TMEM132B: variants seen among roughly 807,000 people sequenced by gnomAD.
TMEM132B encodes transmembrane protein 132B.
Under a neutral mutation model 90.8 loss-of-function variants are expected in TMEM132B, and 18 were observed. The observed-to-expected ratio is 0.20, with a 90% CI of 0.14 to 0.29. TMEM132B has a LOEUF of 0.29. TMEM132B is among the 10% of genes least tolerant of loss of function. TMEM132B has a pLI of 1.00. For synonymous variants in TMEM132B, 504 were observed against 523.3 expected (o/e 0.96, Z 0.50); for missense variants, 1,096 against 1,326.8 (o/e 0.83, Z 2.70).
intron 1 of TMEM132B, among the ~76,000 whole-genome samples, chr12:125,287,907 G>T (rs1004546063): frequency 6.6e-6 from 1 of 151,852 alleles, no homozygotes. Flanking sequence ...TCACTCTGTC[G>T]CCCAGGCTGG....
intron 2 of TMEM132B, among the ~76,000 whole-genome samples, chr12:125,370,986 G>T (rs1878277402): frequency 6.6e-6 from 1 of 152,200 alleles, no homozygotes; most frequent in Admixed American, 6.5e-5. Flanking sequence ...GAGTCCCAAA[G>T]CCTCAAAAGT....
At chr12:125,543,976 A>T (rs982301530) in intron 4 of TMEM132B, among the ~76,000 whole-genome samples, 1 of 152,262 alleles carries the variant, frequency 6.6e-6, no homozygotes, top group Non-Finnish European at 1.5e-5. Context: ...AGACTGGATT[A>T]AAAAAACTGT....
At chr12:125,400,152 T>G (rs921929974) in intron 2 of TMEM132B, among the ~76,000 whole-genome samples, 7 of 152,254 alleles carry the variant, frequency 4.6e-5, no homozygotes, top group Non-Finnish European at 8.8e-5. Context: ...AGGCAGCTGT[T>G]ATAGTAGAAG....
chr12:125,425,155 T>C (rs1880281688), intron 3 of TMEM132B, among the ~76,000 whole-genome samples: 1 of 152,142 alleles, frequency 6.6e-6, no homozygotes, highest in South Asian at 2.1e-4. Context: ...CAGTGCCCCG[T>C]TGCTGGCCTG....
rs1210749324 is a variant in TMEM132B at position 125,408,840 on chromosome 12, T to C, written c.960-6691T>C. 6.6e-6 allele frequency among the ~76,000 whole-genome samples: 1 copy of C among 152,192 alleles called. No homozygotes were observed. The highest frequency in any genetic ancestry group is 1.5e-5 in the Non-Finnish European group (1 of 68,024). On this transcript the variant is annotated intron_variant, in intron 2 of 8. Transcript: ENST00000682704. This position sits in a 1 kb window ranked among gnomAD's most constrained non-coding sequence, Gnocchi z 5.9. ...CCAAATTACACTCATTCCAGCAATG[T>C]TCACGAGTCCCAGTCACTCCATGAC...
chr12:125,355,440 T>C (rs161883), intron 2 of TMEM132B, among the ~76,000 whole-genome samples: 65,012 of 151,808 alleles, frequency 0.43, 15,181 homozygotes, highest in East Asian at 0.85. Context: ...TGGCCCGGAG[T>C]TGGAAGCAGA....
intron 2 of TMEM132B, among the ~76,000 whole-genome samples, chr12:125,389,173 A>G (rs1878935727): frequency 6.6e-6 from 1 of 152,216 alleles, no homozygotes; most frequent in Admixed American, 6.5e-5. Flanking sequence ...CAAACAATAA[A>G]TAAGTAAGCA....
chr12:125,511,392 G>A (rs1233384075), intron 3 of TMEM132B, among the ~76,000 whole-genome samples: 1 of 152,030 alleles, frequency 6.6e-6, no homozygotes, highest in Non-Finnish European at 1.5e-5. Flanking sequence ...CATTGTAGTC[G>A]GTTCCAGGAA....
At chr12:125,615,367 GA>G (rs1354781759) in intron 5 of TMEM132B, among the ~76,000 whole-genome samples, 2 of 151,544 alleles carry the variant, frequency 1.3e-5, no homozygotes, top group Non-Finnish European at 2.9e-5. Flanking sequence ...GCTTAATGAT[GA>G]CCACATTTCT....
chr12:125,585,163 AC>A (rs1885151760), intron 5 of TMEM132B: 1 of 152,202 alleles, frequency 6.6e-6, no homozygotes, highest in Non-Finnish European at 1.5e-5. Flanking sequence ...GGTCTAATTA[AC>A]AAAGAAATTA....
intron 1 of TMEM132B, among the ~76,000 whole-genome samples, chr12:125,311,078 C>T (rs1876112124): frequency 6.6e-6 from 1 of 152,226 alleles, no homozygotes; most frequent in Non-Finnish European, 1.5e-5. Context: ...ACACTGTTCA[C>T]ATCTTCTTAG....
At chr12:125,391,043 G>T (rs1326098268) in intron 2 of TMEM132B, among the ~76,000 whole-genome samples, 1 of 18,006 alleles carries the variant, frequency 5.6e-5, no homozygotes, top group East Asian at 1.2e-3. Flanking sequence ...AAAGAATAGT[G>T]TGTGTGTGTG....
intron 5 of TMEM132B, among the ~76,000 whole-genome samples, chr12:125,591,078 T>C (rs1488664853): frequency 6.6e-6 from 1 of 152,126 alleles, no homozygotes; most frequent in Non-Finnish European, 1.5e-5. Context: ...CACGCTGGTG[T>C]TTCTATGAGC....
chr12:125,501,506 G>GT (rs1256918257), intron 3 of TMEM132B, among the ~76,000 whole-genome samples: 1 of 152,186 alleles, frequency 6.6e-6, no homozygotes, highest in African/African-American at 2.4e-5. Context: ...TGCATTAGCT[G>GT]TTTTTCCTGA....
chr12:125,435,321 G>T (rs7316725), intron 3 of TMEM132B, among the ~76,000 whole-genome samples: 8 of 152,116 alleles, frequency 5.3e-5, no homozygotes, highest in African/African-American at 7.2e-5. Context: ...TCAGTTGCCA[G>T]GAAGGGCCTA....
intron 5 of TMEM132B, among the ~76,000 whole-genome samples, chr12:125,590,577 A>G (rs1885293117): frequency 6.6e-6 from 1 of 152,202 alleles, no homozygotes; most frequent in South Asian, 2.1e-4. Flanking sequence ...ATCCTATCCA[A>G]ATCGTCTTTT....
chr12:125,351,499 C>T (rs1236292631), intron 2 of TMEM132B, among the ~76,000 whole-genome samples: 1 of 151,996 alleles, frequency 6.6e-6, no homozygotes, highest in African/African-American at 2.4e-5. Flanking sequence ...GAAACAAAGT[C>T]CAGCCAAGAG....
chr12:125,629,589 G>A (rs555752038), intron 5 of TMEM132B, among the ~76,000 whole-genome samples: 5 of 152,162 alleles, frequency 3.3e-5, no homozygotes, highest in Non-Finnish European at 5.9e-5. Context: ...TGCAACCAAG[G>A]ATAATTTGAC....
intron 1 of TMEM132B, among the ~76,000 whole-genome samples, chr12:125,291,790 C>A (rs1209741394): frequency 6.6e-6 from 1 of 152,138 alleles, no homozygotes; most frequent in Non-Finnish European, 1.5e-5. Context: ...GTGAAATATC[C>A]ATAACATAAA....
Sources: allele counts gnomAD v4.1 joint callset (sites outside exome capture counted in the v4.1 genomes callset), GRCh38; gene constraint gnomAD v4.1.1; non-coding constraint Gnocchi (gnomAD v3.1); transcripts MANE v1.5; gene names NCBI Gene and HGNC (gene_info 2026-07-23, HGNC 2026-07-21).